The following IL2 variants were observed in gnomAD, a reference collection of about 807,000 sequenced individuals.
IL2 encodes interleukin-2.
In IL2, 3 loss-of-function variants were observed where a neutral mutation model predicts 14.6. That is an observed-to-expected ratio of 0.21 (90% confidence interval 0.09 to 0.53). The LOEUF (loss-of-function observed/expected upper bound fraction) is 0.53. Ranked by LOEUF, IL2 falls within the 20% of genes least tolerant of loss-of-function variation. The probability of loss-of-function intolerance (pLI) is 0.95; values close to 1 mark genes in which losing one functional copy is unlikely to be tolerated. For synonymous variants in IL2, 71 were observed against 60.0 expected (o/e 1.18, Z -0.85); for missense variants, 125 against 170.8 (o/e 0.73, Z 1.50).
intron 3 of IL2, among the ~76,000 whole-genome samples, chr4:122,452,103 C>T (rs1185295303): frequency 1.3e-5 from 2 of 151,904 alleles, no homozygotes; most frequent in Non-Finnish European, 2.9e-5. Flanking sequence ...TCAATGAACA[C>T]AAAAATTTTT....
At chr4:122,454,555 C>A (rs1357780449) in intron 2 of IL2, among the ~76,000 whole-genome samples, 3 of 151,548 alleles carry the variant, frequency 2.0e-5, no homozygotes, top group African/African-American at 7.3e-5. Context: ...AAAGAATTTT[C>A]TCCAAAATAG....
chr4:122,454,168 C>T (rs56239914), intron 2 of IL2, among the ~76,000 whole-genome samples: 1,946 of 151,914 alleles, frequency 0.013, 19 homozygotes, highest in Non-Finnish European at 0.021. Flanking sequence ...CATAGAAAAT[C>T]ATTAGAACCA....
Sources: gnomAD v4.1 joint callset for allele counts (sites outside exome capture counted in the v4.1 genomes callset) on GRCh38, gnomAD v4.1.1 for gene constraint, MANE v1.5 for transcripts, NCBI Gene and HGNC (gene_info 2026-07-23, HGNC 2026-07-21) for gene names.